EYA3: variants seen among roughly 807,000 people sequenced by gnomAD.
EYA3 encodes the protein EYA transcriptional coactivator and phosphatase 3.
A neutral mutation model predicts 80.0 loss-of-function variants in EYA3; 39 were observed. That is an observed-to-expected ratio of 0.49 (90% CI 0.38 to 0.64). The LOEUF (loss-of-function observed/expected upper bound fraction) is 0.64, where lower values mean the gene tolerates loss of function less well. Ranked by LOEUF, EYA3 falls within the 30% of genes least tolerant of loss-of-function variation. The pLI, the probability that EYA3 is intolerant of heterozygous loss-of-function variation, is 0.00. For synonymous variants in EYA3, 206 were observed against 232.8 expected, an observed-to-expected ratio of 0.88 and a Z score of 1.05; for missense variants, 523 against 676.1, an observed-to-expected ratio of 0.77 and a Z score of 2.51.
intron 4 of EYA3, 49 bp from the exon 5 acceptor site, chr1:28,038,954 A>G (rs1643624124): frequency 7.8e-7 from 1 of 1,278,430 alleles, no homozygotes; most frequent in African/African-American, 1.5e-5. Context: ...ACATTTCGAA[A>G]ATGGAATGGG....
chr1:28,086,856 A>G (rs1257275069), intron 1 of EYA3, among the ~76,000 whole-genome samples: 3 of 152,220 alleles, frequency 2.0e-5, no homozygotes, highest in Admixed American at 6.5e-5. Flanking sequence ...CTGAAAGCCA[A>G]TCAGAAGGGT....
chr1:27,999,995 C>T lies in EYA3; in HGVS notation c.1048G>A (p.Val350Met). 1 of 1,611,326 alleles carries T rather than the reference C, an allele frequency of 6.2e-7. No individual in the cohort carries two copies. Among genetic ancestry groups the T allele is most frequent in the African/African-American group, 1.3e-5 (1 of 74,932 alleles). ...TTGAAAAATAGATGAGTATCAGCCA[C>T]TTCAAAAATCATTTCTTCCATTGTT... The part of the protein sequence containing the change: ...GLTMEEMIFE[V>M]ADTHLFFNDL... The change falls in exon 12 of 18, where the codon GTG becomes ATG. Residue 350 changes from valine to methionine, a missense_variant. Physicochemically the swap from Val to Met is conservative, Grantham distance 21. Around this residue, in one of 2 missense-constraint regions of EYA3, gnomAD observed 219 missense variants for 332.8 expected, o/e 0.66. Transcript: ENST00000373871.
At chr1:28,022,235 G>A (rs1487573066) in intron 7 of EYA3, among the ~76,000 whole-genome samples, 2 of 151,940 alleles carry the variant, frequency 1.3e-5, no homozygotes, top group Admixed American at 1.3e-4. Context: ...TGCAAGCTCC[G>A]CCTCCTGGGT....
At chr1:27,993,172 GACA>G (rs1640193493) in intron 14 of EYA3, among the ~76,000 whole-genome samples, 5 of 152,218 alleles carry the variant, frequency 3.3e-5, no homozygotes, top group Admixed American at 2.0e-4. Flanking sequence ...TTTGTCCAAA[GACA>G]ACAAGAGAAC....
At chr1:28,050,147 G>A (rs926202367) in intron 2 of EYA3, among the ~76,000 whole-genome samples, 1 of 150,876 alleles carries the variant, frequency 6.6e-6, no homozygotes, top group African/African-American at 2.4e-5. Flanking sequence ...AAAAGGTCCT[G>A]GAGCAACATT....
At chr1:28,066,542 T>C (rs943353406) in intron 1 of EYA3, among the ~76,000 whole-genome samples, 6 of 152,078 alleles carry the variant, frequency 3.9e-5, no homozygotes, top group Non-Finnish European at 8.8e-5. Flanking sequence ...CACATCAACA[T>C]ATGCTGTAAG....
At chr1:27,974,686 A>T (rs569061265) in intron 17 of EYA3, 140 bp from the exon 18 acceptor site, 1 of 592,560 alleles carries the variant, frequency 1.7e-6, no homozygotes, top group Admixed American at 2.9e-5. Context: ...GGGCTGTTAT[A>T]ATGATCAAAT....
chr1:28,083,235 C>A (rs1319303502), intron 1 of EYA3, among the ~76,000 whole-genome samples: 1 of 152,100 alleles, frequency 6.6e-6, no homozygotes, highest in Non-Finnish European at 1.5e-5. Flanking sequence ...AAGAAGAGTA[C>A]CCTTGGCTGG....
intron 13 of EYA3, among the ~76,000 whole-genome samples, chr1:27,996,570 A>G (rs370305742): frequency 6.6e-6 from 1 of 152,238 alleles, no homozygotes; most frequent in East Asian, 1.9e-4. Flanking sequence ...AAACCTTCCA[A>G]TATTCTCAGC....
chr1:28,004,399 C>A lies in EYA3; in HGVS notation c.930G>T (p.Leu310Phe). The A allele has an allele frequency of 2.5e-6, 4 of 1,607,902 alleles. No individual in the cohort carries two copies. Among genetic ancestry groups the A allele is most frequent in the Non-Finnish European group, 3.4e-6 (4 of 1,175,614 alleles). The change falls in exon 11 of 18, where the codon TTG becomes TTT. Residue 310 changes from leucine to phenylalanine, a missense_variant. Transcript: ENST00000373871. ...AGTGGAAGATGATGATGGTTTCATC[C>A]AAGTCCCACAGAAATACCCGCTGAG... is the stretch of plus-strand genomic sequence containing the variant. Reference protein sequence around the residue: ...SELERVFLWDLDETIIIFHSL... With the variant: ...SELERVFLWDFDETIIIFHSL...
Position 28,044,895 on chromosome 1 carries a change from C to T in EYA3, c.78-2245G>A, listed in dbSNP as rs551106321. Among the ~76,000 whole-genome samples the T allele has an allele frequency of 3.9e-5, 6 of 152,106 alleles. No individual in the cohort carries two copies. The East Asian group carries it at 1.2e-3, about 29-fold the overall frequency. On this transcript the variant is annotated intron_variant, in intron 3 of 17. Transcript: ENST00000373871. ...CAAGTGATCTTCCTACCTCATCCTC[C>T]GAAGTAGCTGGGACTACAGGCATGT... is the stretch of plus-strand genomic sequence containing the variant.
Position 27,976,147 on chromosome 1 carries a change from G to A in EYA3, c.1642-1601C>T, listed in dbSNP as rs760870775. Among the ~76,000 whole-genome samples, 4 of 152,250 alleles carry A rather than the reference G, an allele frequency of 2.6e-5. 1 individual carries two copies. The highest frequency in any genetic ancestry group is 6.5e-5 in the Admixed American group (1 of 15,300). ...CTATTAACATACAGAAGAGGAAACC[G>A]ACTTGTTATGTTCAAGAATGCCAGA... On this transcript the variant is annotated intron_variant, in intron 17 of 17. Transcript: ENST00000373871.
At chr1:28,069,618 G>A (rs1259083713) in intron 1 of EYA3, among the ~76,000 whole-genome samples, 1 of 150,020 alleles carries the variant, frequency 6.7e-6, no homozygotes, top group South Asian at 2.1e-4. Flanking sequence ...AGAAAGGGAG[G>A]GAAGAGGAGA....
In EYA3 at chr1:27,974,304, A is replaced by G. The variant is rs1358126726; in HGVS notation, c.*162T>C. On this transcript the variant is annotated 3_prime_UTR_variant, in exon 18 of 18. Transcript: ENST00000373871. ...GAGGCAGAGAGGGAGGGAGAGAGGAAGGGAGGGAGGGAGAGAGGGAGAGAG... is the reference window on the plus strand; with the variant it reads ...GAGGCAGAGAGGGAGGGAGAGAGGAGGGGAGGGAGGGAGAGAGGGAGAGAG... The G allele has an allele frequency of 6.6e-6, 3 of 453,250 alleles. No homozygotes were observed. In the East Asian group the frequency reaches 1.1e-4, roughly 16 times the overall value. The allele number at this position is 453,250 out of a possible 1,614,324, so 28.1% of individuals were successfully genotyped here.
intron 6 of EYA3, 34 bp downstream of exon 6, chr1:28,035,510 A>C (rs939941622): frequency 1.9e-6 from 3 of 1,600,212 alleles, no homozygotes; most frequent in African/African-American, 1.3e-5. Context: ...TAAAATCAAC[A>C]TTCTTAGAAA....
chr1:28,017,795 TGACA>T (rs1261125678), intron 7 of EYA3, among the ~76,000 whole-genome samples: 1 of 152,190 alleles, frequency 6.6e-6, no homozygotes, highest in Non-Finnish European at 1.5e-5. Flanking sequence ...ATAAACACAA[TGACA>T]TAGCATTTAG....
intron 16 of EYA3, among the ~76,000 whole-genome samples, chr1:27,987,340 C>T (rs1639728819): frequency 6.6e-6 from 1 of 152,340 alleles, no homozygotes; most frequent in African/African-American, 2.4e-5. Flanking sequence ...GTGTATACCA[C>T]ATTTTGTTTA....
intron 1 of EYA3, among the ~76,000 whole-genome samples, chr1:28,076,345 T>C (rs1474699813): frequency 6.6e-6 from 1 of 152,214 alleles, no homozygotes; most frequent in Non-Finnish European, 1.5e-5. Flanking sequence ...ACTGAGAAAG[T>C]TGCTTTTTAA....
intron 11 of EYA3, among the ~76,000 whole-genome samples, chr1:28,001,473 G>T (rs988051252): frequency 7.0e-6 from 1 of 143,698 alleles, no homozygotes; most frequent in Non-Finnish European, 1.5e-5. Flanking sequence ...TTTTTGCCAG[G>T]CGCAGTGGCT....
Sources: gnomAD v4.1 joint callset for allele counts (sites outside exome capture counted in the v4.1 genomes callset) on GRCh38, gnomAD v4.1.1 for gene constraint, gnomAD v4.1.1 regional missense constraint, MANE v1.5 for transcripts, NCBI Gene and HGNC (gene_info 2026-07-23, HGNC 2026-07-21) for gene names.